Variants in STIM1 observed in about 807,000 individuals in gnomAD.
The protein encoded by STIM1 is stromal interaction molecule 1.
A neutral mutation model predicts 74.7 loss-of-function variants in STIM1; 25 were observed. The observed-to-expected ratio is 0.33, with a 90% CI of 0.24 to 0.47. STIM1 has a LOEUF of 0.47. STIM1 is among the 20% of genes least tolerant of loss of function. The pLI, the probability that STIM1 is intolerant of heterozygous loss-of-function variation, is 1.00. For synonymous variants in STIM1, 328 were observed against 348.8 expected, an observed-to-expected ratio of 0.94 and a Z score of 0.66; for missense variants, 728 against 920.8, an observed-to-expected ratio of 0.79 and a Z score of 2.71.
At chr11:3,939,147 A>G (rs189411347) in intron 1 of STIM1, among the ~76,000 whole-genome samples, 1 of 152,236 alleles carries the variant, frequency 6.6e-6, no homozygotes, top group South Asian at 2.1e-4. Context: ...GAGACTAGAT[A>G]GACTAGCTTA....
chr11:4,092,264 A>T lies in STIM1; in HGVS notation c.*466A>T. ...GTGTGCCTCAGATCTGTTCCACCCC[A>T]CTCACAGTGGTTCTGTTTGCTCCAG... On this transcript the variant is annotated 3_prime_UTR_variant, in exon 13 of 13. Transcript: ENST00000526596. 4.3e-6 allele frequency: 1 copy of T among 229,958 alleles called. No homozygotes were observed. The highest frequency in any genetic ancestry group is 8.7e-6 in the Non-Finnish European group (1 of 114,378). The allele number at this position is 229,958 out of a possible 1,614,324, so 14.2% of individuals were successfully genotyped here.
At chr11:3,981,367 A>G (rs1389384471) in intron 2 of STIM1, among the ~76,000 whole-genome samples, 1 of 152,148 alleles carries the variant, frequency 6.6e-6, no homozygotes, top group Non-Finnish European at 1.5e-5. Context: ...GTCCTACCAG[A>G]TTTTGAGTTC....
At chr11:4,081,783 G>A (rs375233861) in intron 7 of STIM1, among the ~76,000 whole-genome samples, 48 of 152,328 alleles carry the variant, frequency 3.2e-4, no homozygotes, top group African/African-American at 1.1e-3. Flanking sequence ...TTCCTGACCA[G>A]TGCTTTTTCT....
intron 1 of STIM1, among the ~76,000 whole-genome samples, chr11:3,870,465 G>A (rs988028977): frequency 2.6e-5 from 4 of 152,198 alleles, no homozygotes; most frequent in Non-Finnish European, 5.9e-5. Flanking sequence ...GGCATTGGAA[G>A]TAAATATGCT....
At chr11:3,943,543 A>T (rs2093036281) in intron 1 of STIM1, among the ~76,000 whole-genome samples, 1 of 152,182 alleles carries the variant, frequency 6.6e-6, no homozygotes, top group African/African-American at 2.4e-5. Flanking sequence ...GTGCTTTAAT[A>T]AAAAAAGATT....
intron 1 of STIM1, among the ~76,000 whole-genome samples, chr11:3,862,432 G>A (rs978152784): frequency 6.6e-6 from 1 of 152,090 alleles, no homozygotes; most frequent in African/African-American, 2.4e-5. Flanking sequence ...CTTGTAGAAT[G>A]CTCTGTAGAA....
chr11:4,033,878 C>T (rs563022008), intron 3 of STIM1, among the ~76,000 whole-genome samples: 23 of 151,944 alleles, frequency 1.5e-4, no homozygotes, highest in Admixed American at 5.9e-4. Flanking sequence ...GGATTACAGG[C>T]GTGAGCCACT....
At chr11:3,992,330 C>T (rs2093624719) in intron 2 of STIM1, among the ~76,000 whole-genome samples, 1 of 151,492 alleles carries the variant, frequency 6.6e-6, no homozygotes, top group African/African-American at 2.4e-5. Context: ...ATGAGAATGG[C>T]TTGAACCCAG....
chr11:4,042,033 A>C (rs2094151916), intron 3 of STIM1, among the ~76,000 whole-genome samples: 2 of 152,222 alleles, frequency 1.3e-5, no homozygotes, highest in Admixed American at 1.3e-4. Flanking sequence ...TGTGGATTTG[A>C]AACCACAAAA....
chr11:3,859,275 G>T (rs1197245234), intron 1 of STIM1, among the ~76,000 whole-genome samples: 1 of 152,194 alleles, frequency 6.6e-6, no homozygotes, highest in Non-Finnish European at 1.5e-5. Flanking sequence ...CTACAAGGAG[G>T]ATCTCTCACT....
intron 3 of STIM1, among the ~76,000 whole-genome samples, chr11:4,026,899 T>C (rs1421715559): frequency 2.6e-5 from 4 of 152,322 alleles, no homozygotes; most frequent in Non-Finnish European, 2.9e-5. Flanking sequence ...TTTCATTACA[T>C]AGGCAAGTTT....
intron 1 of STIM1, among the ~76,000 whole-genome samples, chr11:3,903,264 T>G (rs1024592409): frequency 3.9e-5 from 6 of 152,194 alleles, no homozygotes; most frequent in African/African-American, 1.4e-4. Context: ...TTGTTCCTAA[T>G]CACTCTGGTT....
chr11:4,045,762 C>CT (rs35939527), intron 3 of STIM1, among the ~76,000 whole-genome samples: 39,076 of 104,566 alleles, frequency 0.37, 9,426 homozygotes, highest in Non-Finnish European at 0.5. Flanking sequence ...CTCAACACTT[C>CT]TTTTTTTTTT....
chr11:4,053,058 G>A (rs1256354232), intron 3 of STIM1, among the ~76,000 whole-genome samples: 5 of 152,174 alleles, frequency 3.3e-5, no homozygotes, highest in Non-Finnish European at 7.4e-5. Flanking sequence ...TTAGAATGGT[G>A]ATCATTAAAA....
At chr11:4,048,948 G>A (rs1314519133) in intron 3 of STIM1, among the ~76,000 whole-genome samples, 1 of 152,118 alleles carries the variant, frequency 6.6e-6, no homozygotes, top group South Asian at 2.1e-4. Context: ...TGGCCAGGCT[G>A]GTCTTGAACT....
chr11:3,927,649 T>C (rs1425030273), intron 1 of STIM1, among the ~76,000 whole-genome samples: 3 of 152,176 alleles, frequency 2.0e-5, no homozygotes, highest in Non-Finnish European at 4.4e-5. Context: ...ATTGAGTTCC[T>C]GGGGCAGCAG....
At chr11:4,086,645 G>T in intron 12 of STIM1, 102 bp downstream of exon 12, 1 of 1,563,232 alleles carries the variant, frequency 6.4e-7, no homozygotes, top group Non-Finnish European at 8.7e-7. Context: ...GAAGGCTACG[G>T]GACCAGCTCT....
chr11:3,992,733 CTAAGAGTTT>C, intron 2 of STIM1, among the ~76,000 whole-genome samples: 1 of 152,298 alleles, frequency 6.6e-6, no homozygotes, highest in Non-Finnish European at 1.5e-5. Context: ...GTGTTTTCTT[CTAAGAGTTT>C]TAAAGGCATC....
intron 2 of STIM1, among the ~76,000 whole-genome samples, chr11:4,013,819 CT>C (rs2093867117): frequency 6.6e-6 from 1 of 150,620 alleles, no homozygotes; most frequent in Admixed American, 6.7e-5. Flanking sequence ...ATTCTCCTGC[CT>C]CCGCCTCCCG....
Sources: gnomAD v4.1 joint callset for allele counts (sites outside exome capture counted in the v4.1 genomes callset) on GRCh38, gnomAD v4.1.1 for gene constraint, MANE v1.5 for transcripts, NCBI Gene and HGNC (gene_info 2026-07-23, HGNC 2026-07-21) for gene names.